DAPK2: variants seen among roughly 807,000 people sequenced by gnomAD.
DAPK2 encodes the protein death associated protein kinase 2.
Under a neutral mutation model 44.1 loss-of-function variants are expected in DAPK2, and 35 were observed. That is an observed-to-expected ratio of 0.79 (90% CI 0.61 to 1.05). DAPK2 has a LOEUF of 1.05. Ranked by LOEUF, DAPK2 falls within the 50% of genes least tolerant of loss-of-function variation. The pLI is 0.00. For synonymous variants in DAPK2, 174 were observed against 182.6 expected (o/e 0.95, Z 0.38); for missense variants, 453 against 483.2 (o/e 0.94, Z 0.59).
At chr15:63,968,036 A>T (rs769352553) in intron 3 of DAPK2, among the ~76,000 whole-genome samples, 16 of 152,230 alleles carry the variant, frequency 1.1e-4, no homozygotes, top group Non-Finnish European at 2.2e-4. Context: ...CATCATGGAG[A>T]ATGAAAATCA....
chr15:63,983,869 A>C (rs2078599704), intron 1 of DAPK2, 115 bp from the exon 3 acceptor site: 23 of 1,022,140 alleles, frequency 2.3e-5, no homozygotes, highest in Non-Finnish European at 3.3e-5. Flanking sequence ...GACAGGACAA[A>C]TCATGCCACC....
At chr15:63,945,231 C>T (rs538726696) in intron 3 of DAPK2, among the ~76,000 whole-genome samples, 1 of 152,154 alleles carries the variant, frequency 6.6e-6, no homozygotes, top group African/African-American at 2.4e-5. Context: ...GTGTTGATGA[C>T]GCTGGCCTGC....
intron 8 of DAPK2, 50 bp downstream of exon 9, chr15:63,924,766 C>T (rs59442217): frequency 0.022 from 34,820 of 1,606,474 alleles, 964 homozygotes; most frequent in African/African-American, 0.13. Flanking sequence ...CCAACCCTGG[C>T]GACAGAGCAG....
intron 2 of DAPK2, among the ~76,000 whole-genome samples, chr15:63,977,036 G>A (rs2078370984): frequency 6.6e-6 from 1 of 152,092 alleles, no homozygotes; most frequent in Non-Finnish European, 1.5e-5. Context: ...GTCTAATCCA[G>A]ACTGTGAAAC....
intron 8 of DAPK2, chr15:63,922,681 G>A: frequency 6.8e-7 from 1 of 1,464,670 alleles, no homozygotes; most frequent in East Asian, 2.5e-5. Context: ...CAGGGTGGAT[G>A]AGAACATGCT....
At chr15:63,961,531 A>G (rs1424537740) in intron 3 of DAPK2, among the ~76,000 whole-genome samples, 2 of 152,182 alleles carry the variant, frequency 1.3e-5, no homozygotes, top group African/African-American at 4.8e-5. Flanking sequence ...CTTGTAAGGC[A>G]GGCCTGGTGG....
chr15:63,933,195 A>G (rs1403706589), intron 4 of DAPK2, among the ~76,000 whole-genome samples: 1 of 152,232 alleles, frequency 6.6e-6, no homozygotes, highest in Non-Finnish European at 1.5e-5. Context: ...GCAATGTGAC[A>G]CTGTTGTGAC....
intron 1 of DAPK2, among the ~76,000 whole-genome samples, chr15:64,006,636 T>A (rs1372098779): frequency 6.6e-6 from 1 of 152,158 alleles, no homozygotes; most frequent in Non-Finnish European, 1.5e-5. Context: ...TTTCTTACCG[T>A]CACCTCACTT....
chr15:64,016,249 C>A (rs1421564262), intron 1 of DAPK2, among the ~76,000 whole-genome samples: 3 of 152,262 alleles, frequency 2.0e-5, no homozygotes, highest in African/African-American at 7.2e-5. Flanking sequence ...ACCTTCCACA[C>A]CTGACCCCCC....
chr15:64,023,341 G>T (rs971313990), intron 1 of DAPK2, among the ~76,000 whole-genome samples: 1 of 152,158 alleles, frequency 6.6e-6, no homozygotes, highest in East Asian at 1.9e-4. Context: ...GCCACTGAAA[G>T]GATACACCTA....
intron 1 of DAPK2, among the ~76,000 whole-genome samples, chr15:64,024,319 G>C (rs909218675): frequency 2.0e-5 from 3 of 152,168 alleles, no homozygotes; most frequent in African/African-American, 4.8e-5. Context: ...AGTGATCCTC[G>C]AGTTGCAAGG....
At chr15:63,925,675 A>AGC (rs35207515) in intron 7 of DAPK2, among the ~76,000 whole-genome samples, 12,890 of 129,438 alleles carry the variant, frequency 0.1, 589 homozygotes, top group South Asian at 0.14. Context: ...GCTGACTTGT[A>AGC]GCGCACACAC....
intron 1 of DAPK2, among the ~76,000 whole-genome samples, chr15:64,008,741 C>A (rs191813980): frequency 6.6e-6 from 1 of 152,098 alleles, no homozygotes; most frequent in Non-Finnish European, 1.5e-5. Flanking sequence ...ATGAGGATAA[C>A]AAATAGTTGA....
At chr15:63,964,976 T>C (rs2078014079) in intron 3 of DAPK2, among the ~76,000 whole-genome samples, 1 of 152,222 alleles carries the variant, frequency 6.6e-6, no homozygotes, top group Non-Finnish European at 1.5e-5. Flanking sequence ...TTTGGTGAAG[T>C]CATGATTTCC....
chr15:63,922,414 A>T (rs2079100330), intron 8 of DAPK2: 4 of 1,100,744 alleles, frequency 3.6e-6, no homozygotes, highest in African/African-American at 1.6e-5. Flanking sequence ...ATCCTTCATC[A>T]CAAATCAATT....
chr15:63,976,456 C>T (rs532574645), intron 2 of DAPK2, among the ~76,000 whole-genome samples: 4 of 152,230 alleles, frequency 2.6e-5, no homozygotes, highest in Admixed American at 2.0e-4. Flanking sequence ...CAGTGGCTCA[C>T]ACCTGTAATC....
intron 2 of DAPK2, among the ~76,000 whole-genome samples, chr15:63,981,552 T>C (rs544200444): frequency 8.7e-4 from 132 of 152,172 alleles, no homozygotes; most frequent in African/African-American, 3.1e-3. Context: ...AGTACAATGA[T>C]TGTATACAAA....
At chr15:63,983,198 T>C (rs2078573972) in intron 2 of DAPK2, among the ~76,000 whole-genome samples, 1 of 151,542 alleles carries the variant, frequency 6.6e-6, no homozygotes, top group African/African-American at 2.4e-5. Flanking sequence ...CCACTCACCC[T>C]CCCACATGCT....
At chr15:63,984,620 T>G (rs558221270) in intron 1 of DAPK2, among the ~76,000 whole-genome samples, 1 of 152,206 alleles carries the variant, frequency 6.6e-6, no homozygotes, top group African/African-American at 2.4e-5. Context: ...GTGACCATCT[T>G]GCCCGGGGGT....
Sources: allele counts gnomAD v4.1 joint callset (sites outside exome capture counted in the v4.1 genomes callset), GRCh38; gene constraint gnomAD v4.1.1; transcripts MANE v1.5; gene names NCBI Gene and HGNC (gene_info 2026-07-23, HGNC 2026-07-21).